Variants in CELF2 observed in about 807,000 individuals in gnomAD.
CELF2 encodes CUGBP Elav-like family member 2.
In CELF2, 8 loss-of-function variants were observed where a neutral mutation model predicts 62.6. The ratio of observed to expected loss-of-function variants is 0.13; its 90% CI spans 0.07 to 0.23. CELF2 has a LOEUF of 0.23. Among genes scored for constraint, CELF2 ranks in the 10% least tolerant of loss-of-function variants. The pLI, the probability that CELF2 is intolerant of heterozygous loss-of-function variation, is 1.00. For missense variants in CELF2, 333 were observed against 671.0 expected (o/e 0.50, Z 5.56); for synonymous variants, 258 against 250.0 (o/e 1.03, Z -0.30).
At chr10:10,852,100 G>A (rs11256869) in intron 1 of CELF2, among the ~76,000 whole-genome samples, 6,620 of 152,262 alleles carry the variant, frequency 0.043, 309 homozygotes, top group African/African-American at 0.12. Flanking sequence ...ACTCCTTGGT[G>A]TCTACTCAAG....
rs1230549853 is a variant in CELF2, at chr10:11,223,866, A to C, written c.354+6359A>C. 6.6e-6 allele frequency among the ~76,000 whole-genome samples: 1 copy of C among 152,202 alleles called. No individual in the cohort carries two copies. Among genetic ancestry groups the C allele is most frequent in the Non-Finnish European group, 1.5e-5 (1 of 68,034 alleles). ...GGCCCAGGCCCCAGGGCAATGGGAA[A>C]GTATATTTTAATGCTTAATAAAAGG... On this transcript the variant is annotated intron_variant, in intron 3 of 12. Transcript: ENST00000633077. The surrounding 1 kb of genome is among the most constrained non-coding windows in gnomAD (Gnocchi z 5.1).
At chr10:10,739,294 T>C in the CELF2 span, among the ~76,000 whole-genome samples, 2 of 152,218 alleles carry the variant, frequency 1.3e-5, no homozygotes, top group Non-Finnish European at 2.9e-5. Flanking sequence ...ACAATGATTA[T>C]TTACATAATA....
At chr10:10,883,422 C>T (rs765643239) in intron 1 of CELF2, among the ~76,000 whole-genome samples, 5 of 152,210 alleles carry the variant, frequency 3.3e-5, no homozygotes, top group Non-Finnish European at 7.3e-5. Flanking sequence ...TTCAAGCAGT[C>T]ATGCTGCAAT....
At chr10:11,212,131 A>G (rs555487542) in intron 2 of CELF2, among the ~76,000 whole-genome samples, 1 of 152,280 alleles carries the variant, frequency 6.6e-6, no homozygotes, top group South Asian at 2.1e-4. Flanking sequence ...TTCCAAGCTG[A>G]ACATATGCAA....
At chr10:11,199,039 A>G (rs567496625) in intron 2 of CELF2, among the ~76,000 whole-genome samples, 2 of 152,334 alleles carry the variant, frequency 1.3e-5, no homozygotes, top group South Asian at 2.1e-4. Context: ...CTTTCCAGGT[A>G]ACCATGGATA....
chr10:10,544,040 A>C, the CELF2 span, among the ~76,000 whole-genome samples: 1 of 152,228 alleles, frequency 6.6e-6, no homozygotes. Context: ...AAAACAACTG[A>C]AGGCATATGT....
At chr10:10,587,208 G>T in the CELF2 span, among the ~76,000 whole-genome samples, 2 of 152,146 alleles carry the variant, frequency 1.3e-5, no homozygotes, top group African/African-American at 4.8e-5. Flanking sequence ...CCACCCTTGG[G>T]CAGAGTCCAC....
At position 11,171,462 on chromosome 10, in the gene CELF2, T is replaced by G. The variant is rs547603266; in HGVS notation, c.271+5780T>G. ...AGTAAAATCTTAGTTTGTCTCAATC[T>G]CTCTCTAGTTCAGTACAATGGAAAA... On this transcript the variant is annotated intron_variant, in intron 2 of 12. Transcript: ENST00000633077. 1.3e-4 allele frequency: 20 copies of G among 152,720 alleles called. 1 individual carries two copies. The East Asian group carries it at 3.9e-3, about 29-fold the overall frequency. 9.5% of individuals were successfully genotyped at this position (152,720 alleles called of 1,614,324 possible). A position where few individuals can be genotyped will look rare whatever the true frequency, so the allele number is the denominator to read the frequency against.
At chr10:10,925,420 G>A (rs928730562) in intron 2 of CELF2, among the ~76,000 whole-genome samples, 1 of 151,944 alleles carries the variant, frequency 6.6e-6, no homozygotes, top group Admixed American at 6.5e-5. Context: ...AAGCATGGTT[G>A]TCAGCTTGGC....
At chr10:10,529,884 A>G in the CELF2 span, among the ~76,000 whole-genome samples, 1 of 152,142 alleles carries the variant, frequency 6.6e-6, no homozygotes, top group East Asian at 1.9e-4. Flanking sequence ...CAGTGCCACC[A>G]TCTTTAGGCT....
intron 1 of CELF2, among the ~76,000 whole-genome samples, chr10:11,047,838 G>A (rs1232654290): frequency 6.6e-6 from 1 of 151,940 alleles, no homozygotes; most frequent in South Asian, 2.1e-4. Flanking sequence ...AGTTTTATTT[G>A]TCTAATTTAC....
intron 1 of CELF2, among the ~76,000 whole-genome samples, chr10:11,061,809 T>G (rs992954503): frequency 1.1e-4 from 16 of 152,108 alleles, no homozygotes; most frequent in Admixed American, 1.0e-3. Flanking sequence ...TTTACTGAAT[T>G]TTTTATTTGT....
chr10:10,852,090 A>T (rs1373485706), intron 1 of CELF2, among the ~76,000 whole-genome samples: 1 of 152,078 alleles, frequency 6.6e-6, no homozygotes, highest in Non-Finnish European at 1.5e-5. Context: ...TAACCATTTA[A>T]CTCCTTGGTG....
intron 1 of CELF2, among the ~76,000 whole-genome samples, chr10:11,140,533 A>T (rs961695423): frequency 6.6e-6 from 1 of 152,114 alleles, no homozygotes; most frequent in South Asian, 2.1e-4. Flanking sequence ...GTTTGTATTT[A>T]TGTAGACAAG....
At chr10:10,788,720 C>T in the CELF2 span, among the ~76,000 whole-genome samples, 1 of 152,122 alleles carries the variant, frequency 6.6e-6, no homozygotes, top group African/African-American at 2.4e-5. Context: ...GCCTTAACCT[C>T]CCAAAATGCT....
rs776282250 is a variant in CELF2 at position 11,165,691 on chromosome 10, C to G, written c.271+9C>G. On this transcript the variant is annotated intron_variant, in intron 2 of 12. Transcript: ENST00000633077. This position sits in a 1 kb window ranked among gnomAD's most constrained non-coding sequence, Gnocchi z 7.4. ...CCCTCCGCAGAGTAAAGGTACAGAG[C>G]GCGGGGCGGGGGTCGCCAGGCGTCC... is the stretch of plus-strand genomic sequence containing the variant. 2 of 1,604,920 alleles carry G rather than the reference C, an allele frequency of 1.2e-6. No homozygotes were observed.
chr10:11,310,686 C>A (rs759397508), intron 9 of CELF2, among the ~76,000 whole-genome samples: 1 of 151,638 alleles, frequency 6.6e-6, no homozygotes, highest in South Asian at 2.1e-4. Context: ...TACTTACTAG[C>A]GCAGCAATCT....
chr10:11,094,116 C>T (rs1055326522), intron 1 of CELF2, among the ~76,000 whole-genome samples: 2 of 152,182 alleles, frequency 1.3e-5, no homozygotes, highest in Admixed American at 1.3e-4. Flanking sequence ...CTGTGTATTG[C>T]AGTGCTGTAT....
chr10:10,978,433 C>A (rs908337690), intron 2 of CELF2, among the ~76,000 whole-genome samples: 1 of 152,078 alleles, frequency 6.6e-6, no homozygotes, highest in South Asian at 2.1e-4. Context: ...CTTTTATTGA[C>A]GTCTTTGATT....
Sources: allele counts gnomAD v4.1 joint callset (sites outside exome capture counted in the v4.1 genomes callset), GRCh38; gene constraint gnomAD v4.1.1; non-coding constraint Gnocchi (gnomAD v3.1); transcripts MANE v1.5; gene names NCBI Gene and HGNC (gene_info 2026-07-23, HGNC 2026-07-21).